The following CAMTA1 variants were observed in gnomAD, a reference collection of about 807,000 sequenced individuals.
CAMTA1 encodes the protein calmodulin-binding transcription activator 1.
CAMTA1 carries 27 observed loss-of-function variants against 170.9 expected under a neutral mutation model. The ratio of observed to expected loss-of-function variants is 0.16; its 90% CI spans 0.12 to 0.22. The LOEUF is 0.22. Among genes scored for constraint, CAMTA1 ranks in the 10% least tolerant of loss-of-function variants. The pLI is 1.00. For synonymous variants in CAMTA1, 833 were observed against 891.5 expected, an observed-to-expected ratio of 0.93 and a Z score of 1.17; for missense variants, 1,619 against 2,217.2, an observed-to-expected ratio of 0.73 and a Z score of 5.42.
chr1:7,040,662 C>T (rs946621253), intron 3 of CAMTA1, among the ~76,000 whole-genome samples: 9 of 151,918 alleles, frequency 5.9e-5, no homozygotes, highest in Non-Finnish European at 1.2e-4. Context: ...TGACCACAGC[C>T]AGGTACAATA....
chr1:7,103,386 C>A (rs191833722), intron 4 of CAMTA1, among the ~76,000 whole-genome samples: 1 of 147,100 alleles, frequency 6.8e-6, no homozygotes, highest in Non-Finnish European at 1.5e-5. Context: ...CAACTACACA[C>A]GTACACACAA....
In CAMTA1 at chr1:7,576,349, G is replaced by C. The variant is rs60335762; in HGVS notation, c.511-64051G>C. ...CTGTTACAGACCAAATGTTTGTGTT[G>C]TCTCCCCAAAATTCATACATTAAAA... On this transcript the variant is annotated intron_variant, in intron 6 of 22. Transcript: ENST00000303635. Among the ~76,000 whole-genome samples, 17 of 152,262 alleles carry C rather than the reference G, an allele frequency of 1.1e-4. No homozygotes were observed. The South Asian group carries it at 3.5e-3, about 32-fold the overall frequency.
At chr1:7,498,440 A>T (rs536778933) in intron 6 of CAMTA1, among the ~76,000 whole-genome samples, 2 of 145,686 alleles carry the variant, frequency 1.4e-5, no homozygotes, top group South Asian at 4.4e-4. Context: ...CGTGTGTATG[A>T]GTGTGTGTGA....
chr1:7,736,273 C>A lies in CAMTA1; in HGVS notation c.3067-71C>A. On this transcript the variant is annotated intron_variant, in intron 12 of 22. Coordinates refer to ENST00000303635, the MANE Select transcript of CAMTA1 (RefSeq NM_015215.4). The surrounding 1 kb of genome is among the most constrained non-coding windows in gnomAD (Gnocchi z 4.5). ...TTCTAATCGTAAAGCATTTGTTTCCCCTACATCGAAGCGCTGATGGGGTCG... is the reference window on the plus strand; with the variant it reads ...TTCTAATCGTAAAGCATTTGTTTCCACTACATCGAAGCGCTGATGGGGTCG... 1 of 1,278,806 alleles carries A rather than the reference C, an allele frequency of 7.8e-7. No homozygotes were observed. The highest frequency in any genetic ancestry group is 1.3e-5 in the South Asian group (1 of 78,582). The allele number at this position is 1,278,806 out of a possible 1,614,324, so 79.2% of individuals were successfully genotyped here.
chr1:7,653,169 C>T (rs2095858477), intron 7 of CAMTA1, among the ~76,000 whole-genome samples: 1 of 152,220 alleles, frequency 6.6e-6, no homozygotes, highest in African/African-American at 2.4e-5. Flanking sequence ...GCGGGGGCCA[C>T]ACTTTGAGAA....
chr1:7,153,149 T>G (rs1646672679), intron 4 of CAMTA1, among the ~76,000 whole-genome samples: 1 of 152,216 alleles, frequency 6.6e-6, no homozygotes, highest in South Asian at 2.1e-4. Flanking sequence ...AATGAATGTC[T>G]TGAACCCTCT....
intron 4 of CAMTA1, among the ~76,000 whole-genome samples, chr1:7,106,905 T>C (rs1008882218): frequency 1.3e-5 from 2 of 151,952 alleles, no homozygotes; most frequent in Non-Finnish European, 2.9e-5. Context: ...TGGCTTGAGA[T>C]AGTGGTCTTG....
intron 11 of CAMTA1, among the ~76,000 whole-genome samples, chr1:7,713,110 T>C (rs2096583594): frequency 6.6e-6 from 1 of 152,214 alleles, no homozygotes; most frequent in Admixed American, 6.5e-5. Context: ...AAAGGTTGTC[T>C]GAAGTGGAAT....
At chr1:7,669,322 A>C (rs978295165) in intron 9 of CAMTA1, among the ~76,000 whole-genome samples, 6 of 152,078 alleles carry the variant, frequency 3.9e-5, no homozygotes, top group Non-Finnish European at 8.8e-5. Flanking sequence ...CAATGGGAGG[A>C]GCTACTTCCA....
Position 7,642,339 on chromosome 1 carries a change from G to A in CAMTA1, c.664+1786G>A, listed in dbSNP as rs922702059. ...GAAATAGCCCTGGAATGGTGGGGGG[G>A]AAGGGACCTGCCCAGGGTCCTGAGC... On this transcript the variant is annotated intron_variant, in intron 7 of 22. Coordinates refer to ENST00000303635, the MANE Select transcript of CAMTA1 (RefSeq NM_015215.4). The surrounding 1 kb of genome is among the most constrained non-coding windows in gnomAD (Gnocchi z 6.3). 9.9e-5 allele frequency among the ~76,000 whole-genome samples: 15 copies of A among 152,206 alleles called. No individual in the cohort carries two copies. Among genetic ancestry groups the A allele is most frequent in the Admixed American group, 3.9e-4 (6 of 15,286 alleles).
At chr1:7,275,171 G>GA (rs1670407419) in intron 5 of CAMTA1, among the ~76,000 whole-genome samples, 3 of 116,454 alleles carry the variant, frequency 2.6e-5, no homozygotes, top group Non-Finnish European at 5.6e-5. Flanking sequence ...AAAGAAGAAA[G>GA]AAAATATTTT....
chr1:7,604,170 C>G (rs1253785249), intron 6 of CAMTA1, among the ~76,000 whole-genome samples: 1 of 152,148 alleles, frequency 6.6e-6, no homozygotes, highest in Admixed American at 6.5e-5. Context: ...GTTGGAGTTG[C>G]TCTTCTCAAG....
At chr1:7,626,080 T>G (rs1189545396) in intron 6 of CAMTA1, among the ~76,000 whole-genome samples, 2 of 152,226 alleles carry the variant, frequency 1.3e-5, no homozygotes, top group Non-Finnish European at 1.5e-5. Flanking sequence ...CCACAATTAC[T>G]TCAGTGATTA....
At position 6,785,516 on chromosome 1, in the gene CAMTA1, G is replaced by A; in HGVS notation, c.-15G>A. ...GAGGCGCGCGCTCGGGGTCCCGGTCGCGAGGAGGAGGAGGATGTGGCGCGC... is the reference window on the plus strand; with the variant it reads ...GAGGCGCGCGCTCGGGGTCCCGGTCACGAGGAGGAGGAGGATGTGGCGCGC... On this transcript the variant is annotated 5_prime_UTR_variant, in exon 1 of 23. Coordinates refer to ENST00000303635, the MANE Select transcript of CAMTA1 (RefSeq NM_015215.4). 9.5e-7 allele frequency: 1 copy of A among 1,053,636 alleles called. No homozygotes were observed. Among genetic ancestry groups the A allele is most frequent in the Non-Finnish European group, 1.2e-6 (1 of 863,618 alleles). 65.3% of individuals were successfully genotyped at this position (1,053,636 alleles called of 1,614,324 possible). A position where few individuals can be genotyped will look rare whatever the true frequency, so the allele number is the denominator to read the frequency against.
At chr1:7,613,286 C>T (rs962200153) in intron 6 of CAMTA1, among the ~76,000 whole-genome samples, 1 of 152,214 alleles carries the variant, frequency 6.6e-6, no homozygotes, top group Admixed American at 6.5e-5. Flanking sequence ...TGCCTTTCAT[C>T]TGCTTACGTT....
chr1:7,763,382 A>T (rs1317034101), intron 22 of CAMTA1, among the ~76,000 whole-genome samples: 2 of 152,198 alleles, frequency 1.3e-5, no homozygotes, highest in African/African-American at 4.8e-5. Flanking sequence ...TAAATTCTCC[A>T]CTTTAACTCA....
At chr1:7,441,695 G>C (rs777289909) in intron 5 of CAMTA1, 10 of 152,136 alleles carry the variant, frequency 6.6e-5, no homozygotes, top group African/African-American at 9.7e-5. Context: ...CTAACAACTC[G>C]AGCCAAGGCC....
intron 4 of CAMTA1, among the ~76,000 whole-genome samples, chr1:7,186,532 T>C (rs1653307262): frequency 6.6e-6 from 1 of 152,148 alleles, no homozygotes; most frequent in African/African-American, 2.4e-5. Context: ...GGCAGCCTCC[T>C]TTATGGCAAA....
chr1:6,880,890 G>A (rs1404604367), intron 3 of CAMTA1, among the ~76,000 whole-genome samples: 3 of 152,032 alleles, frequency 2.0e-5, no homozygotes, highest in Admixed American at 6.5e-5. Flanking sequence ...TATTCCCCTC[G>A]AAGAGCTTAT....
Sources: gnomAD v4.1 joint callset for allele counts (sites outside exome capture counted in the v4.1 genomes callset) on GRCh38, gnomAD v4.1.1 for gene constraint, Gnocchi (gnomAD v3.1) non-coding constraint, MANE v1.5 for transcripts, NCBI Gene and HGNC (gene_info 2026-07-23, HGNC 2026-07-21) for gene names.